VARS2: variants seen among roughly 807,000 people sequenced by gnomAD.
VARS2 encodes the protein valyl-tRNA synthetase 2, mitochondrial, also known as valine--tRNA ligase, mitochondrial.
A neutral mutation model predicts 154.1 loss-of-function variants in VARS2; 105 were observed. The ratio of observed to expected loss-of-function variants is 0.68; its 90% CI spans 0.58 to 0.80. VARS2 has a LOEUF of 0.80. Ranked by LOEUF, VARS2 falls within the 30% of genes least tolerant of loss-of-function variation. The pLI, the probability that VARS2 is intolerant of heterozygous loss-of-function variation, is 0.00. For synonymous variants in VARS2, 483 were observed against 539.5 expected (o/e 0.90, Z 1.45); for missense variants, 1,157 against 1,361.4 (o/e 0.85, Z 2.36).
At chr6:30,922,400 C>T (rs1382703236) in intron 20 of VARS2, 50 bp from the exon 21 acceptor site, 6 of 1,608,448 alleles carry the variant, frequency 3.7e-6, no homozygotes, top group Admixed American at 1.7e-5. Context: ...CCAGAGATCC[C>T]AAGGCACCTC....
rs373172402 is a variant in VARS2, at chr6:30,920,483, T to A, written c.1397+47T>A. The stretch of plus-strand genomic sequence containing the variant: ...TACTAAGGGCTACCCCAAAAGGGAA[T>A]GTATGGAGCTTAAGGGTGACAATAG... On this transcript the variant is annotated intron_variant, in intron 14 of 29. Transcript: ENST00000676266. This position sits in a 1 kb window ranked among gnomAD's most constrained non-coding sequence, Gnocchi z 4.6. The A allele has an allele frequency of 2.1e-5, 32 of 1,543,148 alleles. No individual in the cohort carries two copies. In the African/African-American group the frequency reaches 3.7e-4, roughly 18 times the overall value.
chr6:30,916,698 A>G lies in VARS2; in HGVS notation c.672-180A>G. ...CCTATAGAATCTTTTGCCTCTTTTA[A>G]TATCTTAGAAAACCCCATACTGGGT... is the stretch of plus-strand genomic sequence containing the variant. On this transcript the variant is annotated intron_variant, in intron 7 of 29. Transcript: ENST00000676266. The surrounding 1 kb of genome is among the most constrained non-coding windows in gnomAD (Gnocchi z 4.0). The G allele has an allele frequency of 1.6e-6, 1 of 630,454 alleles. No homozygotes were observed. The highest frequency in any genetic ancestry group is 2.7e-4 in the Middle Eastern group (1 of 3,730). The allele number at this position is 630,454 out of a possible 1,614,324, so 39.1% of individuals were successfully genotyped here.
rs2150551719 is a variant in VARS2 at position 30,916,461 on chromosome 6, T to TGA, written c.671+213_671+214insAG. ...ATATGCATTAGAATATTCGTGTGTG[T>TGA]GTGTGTGTGTGTGTGTATTTATATA... On this transcript the variant is annotated intron_variant, in intron 7 of 29. Coordinates refer to ENST00000676266, the MANE Select transcript of VARS2 (RefSeq NM_020442.6). The surrounding 1 kb of genome is among the most constrained non-coding windows in gnomAD (Gnocchi z 4.0). The TGA allele has an allele frequency of 2.6e-6, 1 of 378,832 alleles. No individual in the cohort carries two copies. Among genetic ancestry groups the TGA allele is most frequent in the South Asian group, 1.0e-4 (1 of 10,006 alleles). 23.5% of individuals were successfully genotyped at this position (378,832 alleles called of 1,614,324 possible). A position where few individuals can be genotyped will look rare whatever the true frequency, so the allele number is the denominator to read the frequency against.
rs1562449182 is a variant in VARS2, at chr6:30,916,634, T to G, written c.672-244T>G. 1 of 571,898 alleles carries G rather than the reference T, an allele frequency of 1.7e-6. No homozygotes were observed. Among genetic ancestry groups the G allele is most frequent in the Non-Finnish European group, 3.1e-6 (1 of 323,416 alleles). The allele number at this position is 571,898 out of a possible 1,614,324, so 35.4% of individuals were successfully genotyped here. A position where few individuals can be genotyped will look rare whatever the true frequency, so the allele number is the denominator to read the frequency against. The stretch of plus-strand genomic sequence containing the variant: ...TATCTCATGCCATCTCTGTGAAGCA[T>G]CCTTGGATTTCCCACAATATGGCTA... On this transcript the variant is annotated intron_variant, in intron 7 of 29. Transcript: ENST00000676266. The surrounding 1 kb of genome is among the most constrained non-coding windows in gnomAD (Gnocchi z 4.0).
Position 30,916,810 on chromosome 6 carries a change from C to A in VARS2, c.672-68C>A. The A allele has an allele frequency of 6.6e-7, 1 of 1,508,348 alleles. No individual in the cohort carries two copies. The highest frequency in any genetic ancestry group is 9.2e-7 in the Non-Finnish European group (1 of 1,084,308). 93.4% of individuals were successfully genotyped at this position (1,508,348 alleles called of 1,614,324 possible). A position where few individuals can be genotyped will look rare whatever the true frequency, so the allele number is the denominator to read the frequency against. On this transcript the variant is annotated intron_variant, in intron 7 of 29. Transcript: ENST00000676266. This position sits in a 1 kb window ranked among gnomAD's most constrained non-coding sequence, Gnocchi z 4.0. ...CTCCAACACCTGGCATTGCTGGGGG[C>A]ATCGCTGGGCCTGGTACATAGGAAG...
intron 29 of VARS2, 31 bp downstream of exon 29, chr6:30,926,039 C>T (rs1185425326): frequency 1.2e-6 from 2 of 1,613,008 alleles, no homozygotes; most frequent in South Asian, 1.1e-5. Context: ...CAGAAGGCTC[C>T]ACCCCTGAGG....
In VARS2 at chr6:30,916,329, G is replaced by A. The variant is rs1488450026; in HGVS notation, c.671+80G>A. 4.8e-5 allele frequency: 59 copies of A among 1,218,180 alleles called. No homozygotes were observed. In the East Asian group the frequency reaches 1.4e-3, roughly 28 times the overall value. 75.5% of individuals were successfully genotyped at this position (1,218,180 alleles called of 1,614,324 possible). A position where few individuals can be genotyped will look rare whatever the true frequency, so the allele number is the denominator to read the frequency against. On this transcript the variant is annotated intron_variant, in intron 7 of 29. Coordinates refer to ENST00000676266, the MANE Select transcript of VARS2 (RefSeq NM_020442.6). The surrounding 1 kb of genome is among the most constrained non-coding windows in gnomAD (Gnocchi z 4.0). ...CTCCCACCACTATCACTCCTGACTT[G>A]TAATCCTTGGCTCTTCCCGACACAG...
chr6:30,920,925 T>C lies in VARS2; in HGVS notation c.1480-140T>C, dbSNP rs1358412578. 1 of 1,158,110 alleles carries C rather than the reference T, an allele frequency of 8.6e-7. No homozygotes were observed. The highest frequency in any genetic ancestry group is 1.2e-6 in the Non-Finnish European group (1 of 832,066). The allele number at this position is 1,158,110 out of a possible 1,614,324, so 71.7% of individuals were successfully genotyped here. A position where few individuals can be genotyped will look rare whatever the true frequency, so the allele number is the denominator to read the frequency against. On this transcript the variant is annotated intron_variant, in intron 15 of 29. Transcript: ENST00000676266. The surrounding 1 kb of genome is among the most constrained non-coding windows in gnomAD (Gnocchi z 4.6). Reference sequence around the variant, plus strand: ...CCCAGCAAGGGCTGGCTCATATCCTTACTCAAGCCCAGAATCTTGGCAAGA... The same window carrying C: ...CCCAGCAAGGGCTGGCTCATATCCTCACTCAAGCCCAGAATCTTGGCAAGA...
chr6:30,920,054 C>G lies in VARS2; in HGVS notation c.1166-35C>G. The G allele has an allele frequency of 2.0e-6, 3 of 1,481,006 alleles. No individual in the cohort carries two copies. The highest frequency in any genetic ancestry group is 2.7e-6 in the Non-Finnish European group (3 of 1,112,752). 91.7% of individuals were successfully genotyped at this position (1,481,006 alleles called of 1,614,324 possible). A position where few individuals can be genotyped will look rare whatever the true frequency, so the allele number is the denominator to read the frequency against. ...CATCTGGAAAAGCAAAAGCCAAGGT[C>G]AGGTTCAGTACTCACCATGGCTGTG... On this transcript the variant is annotated intron_variant, in intron 12 of 29. Coordinates refer to ENST00000676266, the MANE Select transcript of VARS2 (RefSeq NM_020442.6). The surrounding 1 kb of genome is among the most constrained non-coding windows in gnomAD (Gnocchi z 4.6).
In VARS2 at chr6:30,923,145, C is replaced by T. The variant is rs1486233746; in HGVS notation, c.2227C>T (p.Arg743Ter). Reference sequence around the variant, plus strand: ...GTCAGTCTCTGAGGTCCAGAGCTGCCGACATTTCTGCAACAAGATCTGGAA... The same window carrying T: ...GTCAGTCTCTGAGGTCCAGAGCTGCTGACATTTCTGCAACAAGATCTGGAA... ...HLSVSEVQSC[R>*]HFCNKIWNAL... The change falls in exon 24 of 30, where the codon CGA (arginine) becomes TGA (stop). Residue 743 changes from arginine (R) to a stop codon, truncating the protein, a stop_gained. Coordinates refer to ENST00000676266, the MANE Select transcript of VARS2 (RefSeq NM_020442.6). LOFTEE classifies it high-confidence loss of function. 2.5e-6 allele frequency: 4 copies of T among 1,613,058 alleles called. No homozygotes were observed. Among genetic ancestry groups the T allele is most frequent in the African/African-American group, 1.3e-5 (1 of 75,036 alleles).
Position 30,920,343 on chromosome 6 carries a change from G to T in VARS2, c.1304G>T (p.Arg435Leu). Residue 435 changes from arginine (R) to leucine (L), a missense_variant, in exon 14 of 30, where the codon CGG (arginine) becomes CTG (leucine). Transcript: ENST00000676266. The surrounding 1 kb of genome is among the most constrained non-coding windows in gnomAD (Gnocchi z 4.6). ...LCGDWLQGLH[R>L]FVAREKIMSV... is the part of the protein sequence containing the mutation. ...CCGCTTTTTCTCCAGGGTCTTCACC[G>T]GTTTGTGGCCCGGGAAAAGATAATG... The T allele has an allele frequency of 6.2e-7, 1 of 1,610,854 alleles. No homozygotes were observed. Among genetic ancestry groups the T allele is most frequent in the East Asian group, 2.2e-5 (1 of 44,870 alleles).
In VARS2 at chr6:30,925,527, A is replaced by C. The variant is rs1166043795; in HGVS notation, c.2786-17A>C. 1 of 1,564,942 alleles carries C rather than the reference A, an allele frequency of 6.4e-7. No homozygotes were observed. The highest frequency in any genetic ancestry group is 8.6e-7 in the Non-Finnish European group (1 of 1,159,586). On this transcript the variant is annotated splice_polypyrimidine_tract_variant and intron_variant, in intron 27 of 29. Transcript: ENST00000676266. ...CAGGAGCTGAGGCCTTGCCCCTGAC[A>C]GTTTCTTTCTTTCCAGTGCTGCTGC...
At chr6:30,914,658 C>A in intron 1 of VARS2, 152 bp from the exon 2 acceptor site, 2 of 1,034,712 alleles carry the variant, frequency 1.9e-6, no homozygotes, top group South Asian at 1.7e-5. Context: ...CGATACCATG[C>A]ACTCTAGCTC....
rs1794440420 is a variant in VARS2, at chr6:30,920,484, G to A, written c.1397+48G>A. On this transcript the variant is annotated intron_variant, in intron 14 of 29. Transcript: ENST00000676266. The surrounding 1 kb of genome is among the most constrained non-coding windows in gnomAD (Gnocchi z 4.6). ...ACTAAGGGCTACCCCAAAAGGGAAT[G>A]TATGGAGCTTAAGGGTGACAATAGG... The A allele has an allele frequency of 3.2e-6, 5 of 1,543,042 alleles. No homozygotes were observed. Among genetic ancestry groups the A allele is most frequent in the African/African-American group, 1.4e-5 (1 of 72,880 alleles).
Position 30,917,214 on chromosome 6 carries a change from C to T in VARS2, c.863C>T (p.Ser288Leu), listed in dbSNP as rs374148426. ...TCATGTGCTTTAAGATCAGCCATCT[C>T]GGACATTGAGGTGAGGCGGAGAGAG... ...NWSCALRSAI[S>L]DIEVENRPLP... The change falls in exon 9 of 30, where the codon TCG becomes TTG. Residue 288 changes from serine (S) to leucine (L), a missense_variant. Ser to Leu is a moderately radical substitution (Grantham distance 145). Transcript: ENST00000676266. The surrounding 1 kb of genome is among the most constrained non-coding windows in gnomAD (Gnocchi z 4.4). The T allele has an allele frequency of 1.1e-5, 18 of 1,613,984 alleles. No individual in the cohort carries two copies. The African/African-American group carries it at 1.2e-4, about 11-fold the overall frequency.
At chr6:30,923,309 G>C in intron 24 of VARS2, 44 bp from the exon 25 acceptor site, 1 of 1,606,502 alleles carries the variant, frequency 6.2e-7, no homozygotes, top group Non-Finnish European at 8.5e-7. Flanking sequence ...AGGAAAGGAG[G>C]CAGGGGAGGG....
chr6:30,926,041 C>A (rs374626442), intron 29 of VARS2, 33 bp downstream of exon 29: 1 of 1,613,006 alleles, frequency 6.2e-7, no homozygotes, highest in Non-Finnish European at 8.5e-7. Context: ...GAAGGCTCCA[C>A]CCCTGAGGGA....
At position 30,920,254 on chromosome 6, in the gene VARS2, C is replaced by G. The variant is rs576203669; in HGVS notation, c.1293+38C>G. ...TATGTTACCCCATCCTTTGGGGGCT[C>G]TCTGTCCCCCTAATCCTCCTCCTAG... On this transcript the variant is annotated intron_variant, in intron 13 of 29. Transcript: ENST00000676266. This position sits in a 1 kb window ranked among gnomAD's most constrained non-coding sequence, Gnocchi z 4.6. 2 of 1,560,778 alleles carry G rather than the reference C, an allele frequency of 1.3e-6. No individual in the cohort carries two copies. Among genetic ancestry groups the G allele is most frequent in the East Asian group, 2.3e-5 (1 of 44,370 alleles).
rs773872810 is a variant in VARS2 at position 30,925,264 on chromosome 6, C to T, written c.2674-10C>T. 1.0e-5 allele frequency: 16 copies of T among 1,606,488 alleles called. No homozygotes were observed. The highest frequency in any genetic ancestry group is 8.5e-6 in the Non-Finnish European group (10 of 1,177,008). On this transcript the variant is annotated splice_polypyrimidine_tract_variant and intron_variant, in intron 26 of 29. Transcript: ENST00000676266. ...CCCCTTTGCCAATTCTGGGTCCCCC[C>T]CATTGCCAGGAGCACTGGCGCCAGC... is the stretch of plus-strand genomic sequence containing the variant.
Sources: gnomAD v4.1 joint callset for allele counts on GRCh38, gnomAD v4.1.1 for gene constraint, Gnocchi (gnomAD v3.1) non-coding constraint, MANE v1.5 for transcripts, NCBI Gene and HGNC (gene_info 2026-07-23, HGNC 2026-07-21) for gene names.